LAT2: variants seen among roughly 807,000 people sequenced by gnomAD.
The protein encoded by LAT2 is linker for activation of T-cells family member 2.
LAT2 carries 23 observed loss-of-function variants against 43.4 expected under a neutral mutation model. That is an observed-to-expected ratio of 0.53 (90% CI 0.38 to 0.75). LAT2 has a LOEUF of 0.75. Ranked by LOEUF, LAT2 falls within the 30% of genes least tolerant of loss-of-function variation. The pLI is 0.00. For synonymous variants in LAT2, 128 were observed against 123.2 expected (o/e 1.04, Z -0.26); for missense variants, 284 against 310.2 (o/e 0.92, Z 0.64).
chr7:74,214,722 A>AT (rs1563968519), intron 1 of LAT2, 100 bp from the exon 2 acceptor site: 9 of 104,026 alleles, frequency 8.7e-5, no homozygotes, highest in African/African-American at 1.8e-4. Context: ...TATATATAAA[A>AT]ATATAAATAT....
intron 10 of LAT2, among the ~76,000 whole-genome samples, chr7:74,222,746 T>C (rs1434376946): frequency 6.6e-6 from 1 of 152,112 alleles, no homozygotes; most frequent in African/African-American, 2.4e-5. Context: ...GCTAATTTTT[T>C]GTATTTTTAG....
intron 1 of LAT2, among the ~76,000 whole-genome samples, chr7:74,214,525 AATATATATATGAATATATAT>A (rs1293304066): frequency 0.59 from 6,628 of 11,236 alleles, 2,738 homozygotes; most frequent in African/African-American, 0.78. Context: ...AATATATATA[AATATATATATGAATATATAT>A]ATATATATAT....
intron 1 of LAT2, among the ~76,000 whole-genome samples, chr7:74,212,840 G>A (rs1554713355): frequency 2.0e-5 from 3 of 152,202 alleles, no homozygotes; most frequent in African/African-American, 7.2e-5. Flanking sequence ...GGGTGACGTG[G>A]GTCGTGCCAG....
At chr7:74,213,152 T>A (rs530773281) in intron 1 of LAT2, among the ~76,000 whole-genome samples, 1 of 152,250 alleles carries the variant, frequency 6.6e-6, no homozygotes, top group South Asian at 2.1e-4. Flanking sequence ...TTCGCTCTTG[T>A]TGCCCAGGCT....
At chr7:74,212,602 AGG>A (rs1395641368) in intron 1 of LAT2, among the ~76,000 whole-genome samples, 2 of 152,122 alleles carry the variant, frequency 1.3e-5, no homozygotes, top group African/African-American at 4.8e-5. Flanking sequence ...GAGAAAACTG[AGG>A]CGGGGGGCTC....
At position 74,216,014 on chromosome 7, in the gene LAT2, G is replaced by A. The variant is rs181485415; in HGVS notation, c.39G>A (p.Ala13=). 661 of 1,613,830 alleles carry A rather than the reference G, an allele frequency of 4.1e-4. 5 individuals are homozygous for A. In the East Asian group the frequency reaches 0.013, roughly 31 times the overall value. Residue 13 remains alanine (A), a synonymous_variant, in exon 3 of 14, where the codon GCG becomes GCA. Coordinates refer to ENST00000460943, the MANE Select transcript of LAT2 (RefSeq NM_032464.3). The stretch of plus-strand genomic sequence containing the variant: ...CTGAACTGCTGTGGCCCGGAGCAGC[G>A]CTGCTGGTGCTGTTGGGGGTGGCAG... ...SGTELLWPGA[A]LLVLLGVAAS... is the part of the protein sequence containing the mutation.
chr7:74,222,783 C>T (rs1802339719), intron 10 of LAT2, among the ~76,000 whole-genome samples: 2 of 152,168 alleles, frequency 1.3e-5, no homozygotes, highest in African/African-American at 4.8e-5. Context: ...CCATATTGGC[C>T]AGGCTGGTCT....
intron 13 of LAT2, chr7:74,225,696 G>A (rs566215046): frequency 1.3e-5 from 2 of 152,446 alleles, no homozygotes; most frequent in East Asian, 3.9e-4. Flanking sequence ...TGGGTCTACT[G>A]CTTGGGAAGC....
chr7:74,214,117 TATATATATAAATATATATATGAAA>T (rs1478698359), intron 1 of LAT2, among the ~76,000 whole-genome samples: 23,278 of 93,354 alleles, frequency 0.25, 3,567 homozygotes, highest in African/African-American at 0.27. Context: ...TATATGAAAA[TATATATATAAATATATATATGAAA>T]ATATATATAA....
intron 13 of LAT2, among the ~76,000 whole-genome samples, chr7:74,228,581 C>A (rs571439475): frequency 1.4e-5 from 2 of 147,444 alleles, no homozygotes; most frequent in Non-Finnish European, 3.0e-5. Context: ...GTCAGGAGAT[C>A]GAGACCATCC....
chr7:74,224,292 C>T, intron 12 of LAT2, 95 bp downstream of exon 12: 3 of 1,321,546 alleles, frequency 2.3e-6, no homozygotes, highest in South Asian at 1.3e-5. Flanking sequence ...TCCCTCCAGC[C>T]AGTCCAGCTA....
chr7:74,218,114 C>T (rs547295324), intron 4 of LAT2, among the ~76,000 whole-genome samples: 32 of 152,260 alleles, frequency 2.1e-4, no homozygotes, highest in African/African-American at 6.5e-4. Flanking sequence ...CCAGACTCAG[C>T]GTCCCCATGT....
In LAT2 at chr7:74,220,687, C is replaced by T; in HGVS notation, c.302-17C>T. ...CACACCCAGGGGCTCAGGCCCAATT[C>T]TCGCCTCCTCCCGCAGGAAGCAGAC... On this transcript the variant is annotated splice_polypyrimidine_tract_variant and intron_variant, in intron 8 of 13. Coordinates refer to ENST00000460943, the MANE Select transcript of LAT2 (RefSeq NM_032464.3). This position sits in a 1 kb window ranked among gnomAD's most constrained non-coding sequence, Gnocchi z 4.5. The T allele has an allele frequency of 6.2e-7, 1 of 1,611,220 alleles. No individual in the cohort carries two copies. Among genetic ancestry groups the T allele is most frequent in the Non-Finnish European group, 8.5e-7 (1 of 1,177,748 alleles).
rs782581222 is a variant in LAT2 at position 74,220,260 on chromosome 7, T to C, written c.265+6T>C. ...ATTCTACCCCAGCCTGGAGGGTGAG[T>C]GGCACAGGGCAGGGACAGGGACAGG... On this transcript the variant is annotated splice_donor_region_variant and intron_variant, in intron 7 of 13. Transcript: ENST00000460943. This position sits in a 1 kb window ranked among gnomAD's most constrained non-coding sequence, Gnocchi z 4.5. The C allele has an allele frequency of 4.3e-6, 7 of 1,610,858 alleles. No individual in the cohort carries two copies. The highest frequency in any genetic ancestry group is 5.9e-6 in the Non-Finnish European group (7 of 1,178,102).
intron 1 of LAT2, 103 bp from the exon 2 acceptor site, chr7:74,214,719 A>G (rs1209998092): frequency 9.4e-6 from 1 of 106,544 alleles, no homozygotes; most frequent in African/African-American, 4.1e-5. Context: ...AAATATATAT[A>G]AAAATATAAA....
intron 13 of LAT2, among the ~76,000 whole-genome samples, chr7:74,227,892 G>A (rs1802547665): frequency 6.6e-6 from 1 of 151,576 alleles, no homozygotes; most frequent in African/African-American, 2.4e-5. Context: ...ACAAAAAGAA[G>A]AGGCCAGGCG....
At chr7:74,215,440 G>A (rs138109646) in intron 2 of LAT2, among the ~76,000 whole-genome samples, 52 of 152,276 alleles carry the variant, frequency 3.4e-4, no homozygotes, top group African/African-American at 1.1e-3. Flanking sequence ...TTCCGGGTGC[G>A]TCTGCGTGAG....
rs11544216 is a variant in LAT2 at position 74,219,746 on chromosome 7, G to A, written c.137G>A (p.Arg46His). Reference protein sequence around the residue: ...SEKIYQQRSLREDQQSFTGSR... With the variant: ...SEKIYQQRSLHEDQQSFTGSR... ...CAGCACAGCCCATGCATTTCCAGGC[G>A]TGAGGACCAACAGAGCTTTACGGGG... The change falls in exon 5 of 14, where the codon CGT becomes CAT. Residue 46 changes from arginine to histidine, a missense_variant and splice_region_variant. By Grantham distance (29) the Arg-to-His change is conservative. Coordinates refer to ENST00000460943, the MANE Select transcript of LAT2 (RefSeq NM_032464.3). The A allele has an allele frequency of 9.4e-4, 1,524 of 1,614,140 alleles. No individual in the cohort carries two copies. The highest frequency in any genetic ancestry group is 1.2e-3 in the Non-Finnish European group (1,419 of 1,180,020).
intron 2 of LAT2, 135 bp from the exon 3 acceptor site, chr7:74,215,812 C>T: frequency 1.5e-6 from 1 of 680,220 alleles, no homozygotes. Context: ...CTGTCCTTGC[C>T]CAGTGCAGGA....
Sources: gnomAD v4.1 joint callset for allele counts (sites outside exome capture counted in the v4.1 genomes callset) on GRCh38, gnomAD v4.1.1 for gene constraint, Gnocchi (gnomAD v3.1) non-coding constraint, MANE v1.5 for transcripts, NCBI Gene and HGNC (gene_info 2026-07-23, HGNC 2026-07-21) for gene names.